Variants in TFG observed in about 807,000 individuals in gnomAD.
TFG encodes trafficking from ER to golgi regulator.
In TFG, 22 loss-of-function variants were observed where a neutral mutation model predicts 51.4. The ratio of observed to expected loss-of-function variants is 0.43; its 90% CI spans 0.31 to 0.61. The LOEUF (loss-of-function observed/expected upper bound fraction) is 0.61, where lower values mean the gene tolerates loss of function less well. Among genes scored for constraint, TFG ranks in the 20% least tolerant of loss-of-function variants. TFG has a pLI of 0.12. For missense variants in TFG, 419 were observed against 487.7 expected, an observed-to-expected ratio of 0.86 and a Z score of 1.33; for synonymous variants, 187 against 165.6, an observed-to-expected ratio of 1.13 and a Z score of -0.99.
chr3:100,724,802 T>C (rs1368177879), intron 3 of TFG, among the ~76,000 whole-genome samples: 5 of 152,188 alleles, frequency 3.3e-5, no homozygotes, highest in Non-Finnish European at 7.4e-5. Flanking sequence ...ACATACTATT[T>C]TCCATAAAAC....
intron 2 of TFG, among the ~76,000 whole-genome samples, chr3:100,716,270 A>G (rs540513022): frequency 6.6e-6 from 1 of 152,136 alleles, no homozygotes; most frequent in Non-Finnish European, 1.5e-5. Context: ...TACTTGTATA[A>G]GATCAACTTT....
chr3:100,713,691 C>T lies in TFG; in HGVS notation c.6C>T (p.Asn2=), dbSNP rs771836549. 1.1e-5 allele frequency: 18 copies of T among 1,596,572 alleles called. No individual in the cohort carries two copies. The highest frequency in any genetic ancestry group is 9.1e-5 in the South Asian group (8 of 88,336). The change falls in exon 2 of 8, where the codon AAC becomes AAT. Residue 2 remains asparagine, a synonymous_variant. Coordinates refer to ENST00000240851, the MANE Select transcript of TFG (RefSeq NM_006070.6). M[N]GQLDLSGKLI... ...AGAACATCCTGGAGTCCACCATGAA[C>T]GGACAGTTGGATCTAAGTGGGAAGC...
intron 6 of TFG, 50 bp from the exon 7 acceptor site, chr3:100,744,783 C>A: frequency 1.6e-6 from 2 of 1,226,098 alleles, no homozygotes; most frequent in South Asian, 1.2e-5. Context: ...TTTCTCTTTG[C>A]CACATTAAAC....
rs139601254 is a variant in TFG, at chr3:100,736,695, A to G, written c.700A>G (p.Thr234Ala). ...GCAGCCACCATATACAGGAGCTCAG[A>G]CTCAAGCAGGTCAGATTGAAGGTAA... ...PQQPPYTGAQ[T>A]QAGQIEGQMY... is the part of the protein sequence containing the mutation. The change falls in exon 6 of 8, where the codon ACT becomes GCT. Residue 234 changes from threonine (T) to alanine (A), a missense_variant. Physicochemically the swap from Thr to Ala is moderately conservative, Grantham distance 58 (BLOSUM62 0). Around this residue, in one of 3 missense-constraint regions of TFG, gnomAD observed 391 missense variants for 434.4 expected, o/e 0.90. Coordinates refer to ENST00000240851, the MANE Select transcript of TFG (RefSeq NM_006070.6). 4 of 1,613,852 alleles carry G rather than the reference A, an allele frequency of 2.5e-6. No individual in the cohort carries two copies. The highest frequency in any genetic ancestry group is 3.4e-6 in the Non-Finnish European group (4 of 1,179,930).
chr3:100,737,064 C>T (rs2095108604), intron 6 of TFG, among the ~76,000 whole-genome samples: 1 of 152,124 alleles, frequency 6.6e-6, no homozygotes, highest in South Asian at 2.1e-4. Flanking sequence ...TCCCTCCTTT[C>T]TTCAACATCT....
chr3:100,748,003 A>G, intron 7 of TFG, 146 bp from the exon 8 acceptor site: 1 of 734,554 alleles, frequency 1.4e-6, no homozygotes, highest in Non-Finnish European at 2.2e-6. Flanking sequence ...TTGAAATATT[A>G]TGTGATGGAA....
intron 3 of TFG, among the ~76,000 whole-genome samples, chr3:100,721,346 ATAG>A (rs2095060230): frequency 6.6e-6 from 1 of 152,172 alleles, no homozygotes; most frequent in Non-Finnish European, 1.5e-5. Context: ...CTTGGTGGTG[ATAG>A]TAGAGATTTT....
intron 1 of TFG, 110 bp from the exon 2 acceptor site, chr3:100,713,533 G>GAATAA: frequency 2.3e-6 from 1 of 443,604 alleles, no homozygotes; most frequent in Non-Finnish European, 3.9e-6. Flanking sequence ...ATGGTAACAT[G>GAATAA]GGGATAATGA....
At chr3:100,720,809 A>G (rs2095058664) in intron 3 of TFG, among the ~76,000 whole-genome samples, 1 of 152,254 alleles carries the variant, frequency 6.6e-6, no homozygotes, top group South Asian at 2.1e-4. Context: ...ATCTTAATAG[A>G]TATGCAAGGC....
At chr3:100,741,675 A>G (rs906308557) in intron 6 of TFG, among the ~76,000 whole-genome samples, 1 of 152,176 alleles carries the variant, frequency 6.6e-6, no homozygotes, top group South Asian at 2.1e-4. Flanking sequence ...TTCACTCAAC[A>G]CAAGTACCTC....
In TFG at chr3:100,713,482, A is replaced by G. The variant is rs142048727; in HGVS notation, c.-43-161A>G. Among the ~76,000 whole-genome samples, 993 of 152,346 alleles carry G rather than the reference A, an allele frequency of 6.5e-3. 12 individuals are homozygous for G. Among genetic ancestry groups the G allele is most frequent in the African/African-American group, 0.023 (943 of 41,572 alleles). On this transcript the variant is annotated intron_variant, in intron 1 of 7. Coordinates refer to ENST00000240851, the MANE Select transcript of TFG (RefSeq NM_006070.6). ...AATAAAAGCTTATTTTATTATCCCT[A>G]CAGTAAAATAATGTTGCCTCCAGAC...
At chr3:100,728,934 TAGG>T (rs1474922861) in intron 4 of TFG, 76 bp downstream of exon 4, 4 of 1,324,866 alleles carry the variant, frequency 3.0e-6, no homozygotes, top group East Asian at 2.6e-5. Context: ...TCTTTTTAAG[TAGG>T]AGAAGGATGG....
intron 1 of TFG, among the ~76,000 whole-genome samples, chr3:100,712,668 G>T (rs2095034349): frequency 6.6e-6 from 1 of 152,106 alleles, no homozygotes; most frequent in Admixed American, 6.5e-5. Flanking sequence ...CTGGGAATAT[G>T]GAAAACATAA....
In TFG at chr3:100,745,998, T is replaced by C. The variant is rs151074626; in HGVS notation, c.820+1067T>C. Among the ~76,000 whole-genome samples the C allele has an allele frequency of 1.1e-4, 17 of 152,272 alleles. 1 individual carries two copies. Among genetic ancestry groups the C allele is most frequent in the African/African-American group, 4.1e-4 (17 of 41,568 alleles). On this transcript the variant is annotated intron_variant, in intron 7 of 7. Coordinates refer to ENST00000240851, the MANE Select transcript of TFG (RefSeq NM_006070.6). ...ATAACATTCTGTCATTAATTAAAAT[T>C]TGAAATATTTTGACACAATTTTATT...
intron 1 of TFG, among the ~76,000 whole-genome samples, chr3:100,713,308 T>C (rs1184101124): frequency 6.6e-6 from 1 of 152,168 alleles, no homozygotes; most frequent in Non-Finnish European, 1.5e-5. Context: ...TTTTTTGTCT[T>C]ATACAACTCG....
In TFG at chr3:100,738,355, G is replaced by C. The variant is rs577746953; in HGVS notation, c.721+1639G>C. Among the ~76,000 whole-genome samples the C allele has an allele frequency of 1.9e-4, 29 of 152,300 alleles. No homozygotes were observed. In the South Asian group the frequency reaches 4.1e-3, roughly 22 times the overall value. ...TAATGCCTACATCAAGCGAACTAAA[G>C]ATTTGTTTTTAAATAAATCCCATTT... On this transcript the variant is annotated intron_variant, in intron 6 of 7. Coordinates refer to ENST00000240851, the MANE Select transcript of TFG (RefSeq NM_006070.6).
intron 4 of TFG, among the ~76,000 whole-genome samples, chr3:100,729,087 C>T (rs973098929): frequency 6.6e-5 from 10 of 152,130 alleles, no homozygotes; most frequent in African/African-American, 1.9e-4. Flanking sequence ...CCTACTGGAG[C>T]GTAGCACCTG....
chr3:100,709,919 C>T (rs1277279906), intron 1 of TFG, 198 bp downstream of exon 1: 1 of 79,760 alleles, frequency 1.3e-5, no homozygotes, highest in Non-Finnish European at 2.4e-5. Flanking sequence ...CGGGCGGGGC[C>T]TTGCATGGGG....
intron 3 of TFG, among the ~76,000 whole-genome samples, chr3:100,728,143 T>A (rs1012822121): frequency 6.6e-6 from 1 of 152,118 alleles, no homozygotes; most frequent in Non-Finnish European, 1.5e-5. Context: ...CCTGCATATA[T>A]TTTTTTAACG....
Sources: allele counts gnomAD v4.1 joint callset (sites outside exome capture counted in the v4.1 genomes callset), GRCh38; gene constraint gnomAD v4.1.1; regional missense constraint gnomAD v4.1.1; transcripts MANE v1.5; gene names NCBI Gene and HGNC (gene_info 2026-07-23, HGNC 2026-07-21).